Variants in FAM187A observed in about 807,000 individuals in gnomAD.
FAM187A encodes Ig-like V-type domain-containing protein FAM187A.
In FAM187A, 4 loss-of-function variants were observed where a neutral mutation model predicts 6.4. The observed-to-expected ratio is 0.63, with a 90% CI of 0.31 to 1.44. The LOEUF (loss-of-function observed/expected upper bound fraction) is 1.44, where lower values mean the gene tolerates loss of function less well. Among genes scored for constraint, FAM187A ranks in the 40% most tolerant of loss-of-function variants. The pLI is 0.07. For missense variants in FAM187A, 463 were observed against 542.2 expected (o/e 0.85, Z 1.45); for synonymous variants, 221 against 213.4 (o/e 1.04, Z -0.31).
exon 4 of FAM187A, chr17:44,903,480 A>G: frequency 7.9e-7 from 1 of 1,271,358 alleles, no homozygotes; most frequent in Non-Finnish European, 9.9e-7. Context: ...ACTGAGGCAG[A>G]GATCTCCCTG....
chr17:44,905,069 T>C (rs1196056652), exon 4 of FAM187A: 4 of 1,534,952 alleles, frequency 2.6e-6, no homozygotes, highest in Non-Finnish European at 3.5e-6. Flanking sequence ...CTTCTCCCCC[T>C]AGGAGCTCTC....
At chr17:44,905,185 A>G in exon 4 of FAM187A, 1 of 794,164 alleles carries the variant, frequency 1.3e-6, no homozygotes, top group Non-Finnish European at 2.0e-6. Flanking sequence ...ATGTGGACAA[A>G]TCTGTTACAG....
At chr17:44,904,457 G>T in exon 4 of FAM187A, 1 of 1,543,966 alleles carries the variant, frequency 6.5e-7, no homozygotes, top group South Asian at 1.2e-5. Context: ...GGCCGTGCCC[G>T]ATGTGGTGTC....
At chr17:44,904,234 C>T (rs1015141212) in exon 4 of FAM187A, 3 of 1,550,450 alleles carry the variant, frequency 1.9e-6, no homozygotes, top group African/African-American at 1.4e-5. Flanking sequence ...ACTTTTACGC[C>T]TACGATGTGG....
chr17:44,903,786 G>T lies in FAM187A; in HGVS notation c.-44G>T. On this transcript the variant is annotated 5_prime_UTR_variant, in exon 4 of 4. It removes an upstream start codon present in the reference 5' UTR. Coordinates refer to ENST00000331733, the Ensembl canonical transcript of FAM187A. Reference sequence around the variant, plus strand: ...TCTAGGAGCCCTATGAGCCTTTAATGCCCTGGTTTTGCCCTGCCCCTCTGA... The same window carrying T: ...TCTAGGAGCCCTATGAGCCTTTAATTCCCTGGTTTTGCCCTGCCCCTCTGA... 6.6e-7 allele frequency: 1 copy of T among 1,514,944 alleles called. No homozygotes were observed. 93.8% of individuals were successfully genotyped at this position (1,514,944 alleles called of 1,614,324 possible). A position where few individuals can be genotyped will look rare whatever the true frequency, so the allele number is the denominator to read the frequency against.
At chr17:44,904,077 A>C in exon 4 of FAM187A, 1 of 1,550,624 alleles carries the variant, frequency 6.4e-7, no homozygotes, top group East Asian at 2.4e-5. Flanking sequence ...ACGGACTTTG[A>C]TGGGCGGGTG....
At chr17:44,903,944 G>A in exon 4 of FAM187A, 9 of 1,550,598 alleles carry the variant, frequency 5.8e-6, no homozygotes, top group Non-Finnish European at 2.6e-6. Context: ...CCTGATGTTT[G>A]AAAATGCAGC....
exon 4 of FAM187A, chr17:44,903,507 C>A: frequency 7.8e-7 from 1 of 1,282,238 alleles, no homozygotes; most frequent in Non-Finnish European, 9.8e-7. Context: ...CACCTCGGCC[C>A]GCCCTTCTCA....
exon 4 of FAM187A, chr17:44,904,241 G>A (rs772716058): frequency 2.6e-6 from 4 of 1,550,458 alleles, no homozygotes; most frequent in Non-Finnish European, 3.5e-6. Context: ...CGCCTACGAT[G>A]TGGACATCCA....
exon 4 of FAM187A, chr17:44,904,556 T>G: frequency 5.8e-6 from 9 of 1,550,586 alleles, no homozygotes; most frequent in Non-Finnish European, 7.0e-6. Flanking sequence ...CTTAGTACCC[T>G]GTGAGAAGAC....
At chr17:44,904,717 T>C (rs1200260921) in exon 4 of FAM187A, 5 of 1,550,558 alleles carry the variant, frequency 3.2e-6, no homozygotes, top group South Asian at 1.2e-5. Context: ...GGCCAGAGCA[T>C]GCAGTGGCCT....
At chr17:44,903,447 G>C in exon 4 of FAM187A, 1 of 1,252,510 alleles carries the variant, frequency 8.0e-7, no homozygotes, top group Middle Eastern at 3.1e-4. Context: ...TTTCCACCAG[G>C]CTGGCAGGGC....
chr17:44,904,421 C>A (rs1165790505), exon 4 of FAM187A: 8 of 1,542,100 alleles, frequency 5.2e-6, no homozygotes, highest in Non-Finnish European at 7.0e-6. Context: ...CCTGCAGAGC[C>A]CAGACCTCTC....
rs1342983291 is a variant in FAM187A, at chr17:44,903,750, TAGC to T, written c.-77_-75del. 4 of 1,467,290 alleles carry T rather than the reference TAGC, an allele frequency of 2.7e-6. No homozygotes were observed. The African/African-American group carries it at 4.3e-5, about 16-fold the overall frequency. The allele number at this position is 1,467,290 out of a possible 1,614,324, so 90.9% of individuals were successfully genotyped here. A position where few individuals can be genotyped will look rare whatever the true frequency, so the allele number is the denominator to read the frequency against. On this transcript the variant is annotated 5_prime_UTR_variant, in exon 4 of 4. Coordinates refer to ENST00000331733, the Ensembl canonical transcript of FAM187A. ...CTTTCCTCATCTAGAGGCTTCCGCT[TAGC>T]AGAGCTTTCTAGGAGCCCTATGAGC... is the stretch of plus-strand genomic sequence containing the variant.
exon 4 of FAM187A, chr17:44,904,126 G>A (rs1025860180): frequency 6.5e-5 from 101 of 1,550,392 alleles, no homozygotes; most frequent in Non-Finnish European, 8.8e-5. Flanking sequence ...GCAGCGACAT[G>A]CTGACCCGCT....
exon 4 of FAM187A, chr17:44,904,304 G>A (rs768237354): frequency 2.1e-5 from 33 of 1,547,468 alleles, no homozygotes; most frequent in Non-Finnish European, 2.8e-5. Context: ...GGAGCCCTTT[G>A]CAGATGAATA....
chr17:44,903,561 T>C (rs2051598481), exon 4 of FAM187A: 2 of 1,379,758 alleles, frequency 1.4e-6, no homozygotes, highest in East Asian at 5.4e-5. Flanking sequence ...GCCAGTGTTC[T>C]AGAAAGGGGA....
At chr17:44,904,791 G>C (rs560898223) in exon 4 of FAM187A, 1 of 1,550,640 alleles carries the variant, frequency 6.4e-7, no homozygotes, top group African/African-American at 1.4e-5. Context: ...AGGTCCATGA[G>C]GGTGTTCATT....
chr17:44,904,292 C>T lies in FAM187A; in HGVS notation c.463C>T (p.Gln155Ter). Residue 155 changes from glutamine (Q) to a stop codon, truncating the protein, a stop_gained, in exon 4 of 4, where the codon CAG (glutamine) becomes TAG (stop). Coordinates refer to ENST00000331733, the Ensembl canonical transcript of FAM187A. LOFTEE classifies it low-confidence loss of function (END_TRUNC). Reference sequence around the variant, plus strand: ...GGTGGCCACTTTCCAGGACAAGGGCCAGGAGCCCTTTGCAGATGAATACTA... The same window carrying T: ...GGTGGCCACTTTCCAGGACAAGGGCTAGGAGCCCTTTGCAGATGAATACTA... The T allele has an allele frequency of 6.5e-7, 1 of 1,548,794 alleles. No individual in the cohort carries two copies. Among genetic ancestry groups the T allele is most frequent in the Non-Finnish European group, 8.7e-7 (1 of 1,146,050 alleles).
Sources: gnomAD v4.1 joint callset for allele counts on GRCh38, gnomAD v4.1.1 for gene constraint, MANE v1.5 for transcripts, NCBI Gene and HGNC (gene_info 2026-07-23, HGNC 2026-07-21) for gene names.